The following AP3B1 variants were observed in gnomAD, a reference collection of about 807,000 sequenced individuals.
AP3B1 encodes the protein adaptor related protein complex 3 subunit beta 1.
AP3B1 carries 61 observed loss-of-function variants against 132.5 expected under a neutral mutation model. The observed-to-expected ratio is 0.46, with a 90% CI of 0.37 to 0.57. AP3B1 has a LOEUF of 0.57. Among genes scored for constraint, AP3B1 ranks in the 20% least tolerant of loss-of-function variants. The probability of loss-of-function intolerance (pLI) is 0.00; values close to 1 mark genes in which losing one functional copy is unlikely to be tolerated. For synonymous variants in AP3B1, 388 were observed against 438.3 expected (o/e 0.89, Z 1.43); for missense variants, 1,120 against 1,289.4 (o/e 0.87, Z 2.01).
chr5:78,079,089 G>A (rs564817815), intron 22 of AP3B1, among the ~76,000 whole-genome samples: 1 of 152,314 alleles, frequency 6.6e-6, no homozygotes, highest in East Asian at 1.9e-4. Flanking sequence ...CAGACCATCT[G>A]TGTCTGGCTT....
intron 22 of AP3B1, among the ~76,000 whole-genome samples, chr5:78,078,689 T>C (rs530418500): frequency 1.3e-5 from 2 of 152,350 alleles, no homozygotes; most frequent in South Asian, 4.1e-4. Flanking sequence ...CTTGCTCCCT[T>C]GTCTGTACTC....
At chr5:78,027,044 A>G (rs1000702183) in intron 24 of AP3B1, among the ~76,000 whole-genome samples, 1 of 151,950 alleles carries the variant, frequency 6.6e-6, no homozygotes, top group African/African-American at 2.4e-5. Flanking sequence ...CTGCTTTCTC[A>G]TTATCTTGTT....
At chr5:78,041,999 C>A in intron 22 of AP3B1, 2 of 201,122 alleles carry the variant, frequency 9.9e-6, no homozygotes. Flanking sequence ...TATACTAATT[C>A]AAAGCCCCAC....
chr5:78,024,226 A>G (rs1747231630), intron 24 of AP3B1, among the ~76,000 whole-genome samples: 1 of 152,204 alleles, frequency 6.6e-6, no homozygotes, highest in Non-Finnish European at 1.5e-5. Context: ...GTATACATAC[A>G]TGGAATACAT....
At chr5:78,239,199 G>A (rs899857458) in intron 3 of AP3B1, among the ~76,000 whole-genome samples, 2 of 152,138 alleles carry the variant, frequency 1.3e-5, no homozygotes, top group East Asian at 1.9e-4. Flanking sequence ...GCCCAGGCAC[G>A]ATGGCTCATG....
intron 3 of AP3B1, among the ~76,000 whole-genome samples, chr5:78,230,395 C>A (rs994976051): frequency 2.1e-5 from 3 of 143,404 alleles, no homozygotes; most frequent in South Asian, 2.2e-4. Context: ...TAAACACAAC[C>A]ATTTTAAGTT....
intron 3 of AP3B1, among the ~76,000 whole-genome samples, chr5:78,228,830 G>A (rs1580515877): frequency 6.6e-6 from 1 of 152,216 alleles, no homozygotes; most frequent in East Asian, 1.9e-4. Context: ...CGCATTACAT[G>A]ATATTTTCAG....
At chr5:78,193,740 T>G (rs866871009) in intron 7 of AP3B1, among the ~76,000 whole-genome samples, 3,551 of 41,586 alleles carry the variant, frequency 0.085, 209 homozygotes, top group African/African-American at 0.26. Context: ...TTGTATATAT[T>G]TTTTTATATA....
intron 22 of AP3B1, among the ~76,000 whole-genome samples, chr5:78,080,146 C>T (rs1749928663): frequency 6.6e-6 from 1 of 151,984 alleles, no homozygotes; most frequent in South Asian, 2.1e-4. Context: ...GTAGCTGGAA[C>T]CACAGGTGTG....
chr5:78,094,456 T>G (rs1183008610), intron 21 of AP3B1, among the ~76,000 whole-genome samples: 1 of 152,226 alleles, frequency 6.6e-6, no homozygotes, highest in Non-Finnish European at 1.5e-5. Flanking sequence ...ATAGGACTAA[T>G]ACCTGTGCTC....
At chr5:78,065,249 G>A (rs2112151505) in intron 22 of AP3B1, among the ~76,000 whole-genome samples, 1 of 152,330 alleles carries the variant, frequency 6.6e-6, no homozygotes, top group South Asian at 2.1e-4. Context: ...CCCAAGCACA[G>A]CTGTGCAGAC....
chr5:78,171,474 G>C (rs1351007328), intron 11 of AP3B1, among the ~76,000 whole-genome samples: 7 of 152,030 alleles, frequency 4.6e-5, no homozygotes. Flanking sequence ...TGGATTCCTA[G>C]GTATTTTATT....
rs557706353 is a variant in AP3B1 at position 78,288,042 on chromosome 5, C to T, written c.128+6410G>A. On this transcript the variant is annotated intron_variant, in intron 1 of 26. Transcript: ENST00000255194. ...AAAGGAATTCACAATGAGGAAGGAG[C>T]CCGTGCCTCTTCATGTCATGCTTAT... 4.6e-5 allele frequency among the ~76,000 whole-genome samples: 7 copies of T among 152,330 alleles called. No individual in the cohort carries two copies. The South Asian group carries it at 1.5e-3, about 32-fold the overall frequency.
chr5:78,185,027 A>G (rs1744545692), intron 7 of AP3B1, among the ~76,000 whole-genome samples: 1 of 152,224 alleles, frequency 6.6e-6, no homozygotes, highest in Non-Finnish European at 1.5e-5. Flanking sequence ...ATGACAGCAG[A>G]TTTCTCATCA....
At chr5:78,115,543 G>C (rs1476051870) in intron 18 of AP3B1, among the ~76,000 whole-genome samples, 1 of 152,184 alleles carries the variant, frequency 6.6e-6, no homozygotes, top group East Asian at 1.9e-4. Context: ...ATAGAGAAAA[G>C]TAGGTGCCTT....
chr5:78,157,236 A>G lies in AP3B1; in HGVS notation c.1364-869T>C, dbSNP rs902867938. Among the ~76,000 whole-genome samples, 5 of 151,970 alleles carry G rather than the reference A, an allele frequency of 3.3e-5. No homozygotes were observed. In the South Asian group the frequency reaches 1.0e-3, roughly 32 times the overall value. ...CTGCTCCTCACACCCCTTCCCTTCAATCTGAGGCATGGTAAAGGCCTCCCA... is the reference window on the plus strand; with the variant it reads ...CTGCTCCTCACACCCCTTCCCTTCAGTCTGAGGCATGGTAAAGGCCTCCCA... On this transcript the variant is annotated intron_variant, in intron 13 of 26. Transcript: ENST00000255194.
Position 78,126,170 on chromosome 5 carries a change from A to G in AP3B1, c.1968+1860T>C, listed in dbSNP as rs142278626. 1.4e-3 allele frequency among the ~76,000 whole-genome samples: 212 copies of G among 152,150 alleles called. 1 individual carries two copies. Among genetic ancestry groups the G allele is most frequent in the African/African-American group, 4.9e-3 (205 of 41,514 alleles). On this transcript the variant is annotated intron_variant, in intron 17 of 26. Transcript: ENST00000255194. ...AAAGTATGTCCGTAGGAGGAACCAT[A>G]ACAAAGAACACTCTCTTTATATTCT...
chr5:78,287,249 C>A (rs1688246972), intron 1 of AP3B1, among the ~76,000 whole-genome samples: 1 of 152,058 alleles, frequency 6.6e-6, no homozygotes, highest in Non-Finnish European at 1.5e-5. Flanking sequence ...TTTTTCTCCT[C>A]AAATTTTACC....
intron 17 of AP3B1, among the ~76,000 whole-genome samples, chr5:78,123,304 A>G (rs148185853): frequency 0.014 from 2,066 of 152,370 alleles, 55 homozygotes; most frequent in African/African-American, 0.047. Flanking sequence ...CTTCATGTCT[A>G]AAACACCAAA....
Sources: gnomAD v4.1 joint callset for allele counts (sites outside exome capture counted in the v4.1 genomes callset) on GRCh38, gnomAD v4.1.1 for gene constraint, MANE v1.5 for transcripts, NCBI Gene and HGNC (gene_info 2026-07-23, HGNC 2026-07-21) for gene names.